TMEM43: variants seen among roughly 807,000 people sequenced by gnomAD.
The protein encoded by TMEM43 is arrhythmogenic right ventricular dysplasia 5.
A neutral mutation model predicts 49.6 loss-of-function variants in TMEM43; 45 were observed. That is an observed-to-expected ratio of 0.91 (90% CI 0.71 to 1.16). The LOEUF (loss-of-function observed/expected upper bound fraction) is 1.16, where lower values mean the gene tolerates loss of function less well. TMEM43 is among the 50% of genes most tolerant of loss of function. TMEM43 has a pLI of 0.00. For synonymous variants in TMEM43, 199 were observed against 207.8 expected, an observed-to-expected ratio of 0.96 and a Z score of 0.36; for missense variants, 532 against 516.6, an observed-to-expected ratio of 1.03 and a Z score of -0.29.
chr3:14,129,684 A>C, intron 2 of TMEM43, 123 bp downstream of exon 2: 3 of 1,057,930 alleles, frequency 2.8e-6, no homozygotes, highest in African/African-American at 1.6e-5. Flanking sequence ...AGAAAGGAGG[A>C]TACTGAGTTA....
In TMEM43 at chr3:14,143,610, C is replaced by G. The variant is rs1432944534; in HGVS notation, c.*1815C>G. On this transcript the variant is annotated 3_prime_UTR_variant, in exon 12 of 12. Transcript: ENST00000306077. ...GATAATGTTAAGAAAAATTTGAAAG[C>G]TTTGGAAAACCAAATTTGTAATATC... 3 of 152,084 alleles carry G rather than the reference C, an allele frequency of 2.0e-5. No homozygotes were observed. The allele number at this position is 152,084 out of a possible 1,614,324, so 9.4% of individuals were successfully genotyped here.
At chr3:14,129,907 G>A (rs1695070246) in intron 2 of TMEM43, among the ~76,000 whole-genome samples, 1 of 152,108 alleles carries the variant, frequency 6.6e-6, no homozygotes, top group African/African-American at 2.4e-5. Context: ...CACTTCATCT[G>A]TGATGGCAAA....
intron 1 of TMEM43, among the ~76,000 whole-genome samples, chr3:14,126,156 C>T (rs1478630038): frequency 6.6e-6 from 1 of 152,174 alleles, no homozygotes; most frequent in Non-Finnish European, 1.5e-5. Context: ...GGGTGTGCAT[C>T]ACCCACAGCC....
chr3:14,134,180 C>T (rs950061444), intron 7 of TMEM43, among the ~76,000 whole-genome samples: 1 of 152,216 alleles, frequency 6.6e-6, no homozygotes, highest in Non-Finnish European at 1.5e-5. Context: ...GCCTAGGGCT[C>T]CCCCTCTCTG....
intron 1 of TMEM43, among the ~76,000 whole-genome samples, chr3:14,126,180 T>C (rs1032536925): frequency 2.6e-5 from 4 of 152,116 alleles, no homozygotes; most frequent in Admixed American, 1.3e-4. Flanking sequence ...GTACACTTTG[T>C]CTCGGGTTAG....
chr3:14,128,847 C>A, intron 1 of TMEM43: 1 of 429,252 alleles, frequency 2.3e-6, no homozygotes. Context: ...CAGCATTATT[C>A]ATAACAGCCA....
chr3:14,140,100 G>T (rs1038565817), intron 11 of TMEM43, among the ~76,000 whole-genome samples: 3 of 152,222 alleles, frequency 2.0e-5, no homozygotes, highest in African/African-American at 7.2e-5. Context: ...TGCACATCTT[G>T]GGCTGTCTGA....
chr3:14,127,927 T>C (rs923429434), intron 1 of TMEM43, among the ~76,000 whole-genome samples: 9 of 152,168 alleles, frequency 5.9e-5, no homozygotes, highest in Non-Finnish European at 1.2e-4. Flanking sequence ...ACTTTACATC[T>C]TTGTGACTTT....
chr3:14,140,238 G>A (rs1255020743), intron 11 of TMEM43, among the ~76,000 whole-genome samples: 1 of 152,198 alleles, frequency 6.6e-6, no homozygotes, highest in African/African-American at 2.4e-5. Flanking sequence ...GGGCACATTA[G>A]CGAGAGATGA....
intron 11 of TMEM43, among the ~76,000 whole-genome samples, chr3:14,140,581 G>A (rs910929666): frequency 2.0e-5 from 3 of 152,108 alleles, no homozygotes; most frequent in Non-Finnish European, 4.4e-5. Context: ...GGGCCCATAC[G>A]GTCTTGAGTT....
chr3:14,140,228 G>A (rs1695229611), intron 11 of TMEM43, among the ~76,000 whole-genome samples: 1 of 152,178 alleles, frequency 6.6e-6, no homozygotes, highest in Non-Finnish European at 1.5e-5. Context: ...GTGACGTGGT[G>A]GGCACATTAG....
chr3:14,134,133 C>T (rs776627320), intron 7 of TMEM43, among the ~76,000 whole-genome samples: 2 of 152,194 alleles, frequency 1.3e-5, no homozygotes. Flanking sequence ...AAGCAGACTC[C>T]GGCTAGTAGT....
In TMEM43 at chr3:14,142,222, A is replaced by G. The variant is rs959566021; in HGVS notation, c.*427A>G. On this transcript the variant is annotated 3_prime_UTR_variant, in exon 12 of 12. Coordinates refer to ENST00000306077, the MANE Select transcript of TMEM43 (RefSeq NM_024334.3). The stretch of plus-strand genomic sequence containing the variant: ...AGTGCCATGCTTTGCCACCACCACC[A>G]AGCACATCTGTGATCCTGAAGGGCG... 4.3e-6 allele frequency: 1 copy of G among 232,346 alleles called. No individual in the cohort carries two copies. Among genetic ancestry groups the G allele is most frequent in the Non-Finnish European group, 8.7e-6 (1 of 114,426 alleles). 14.4% of individuals were successfully genotyped at this position (232,346 alleles called of 1,614,324 possible).
At chr3:14,129,698 A>G in intron 2 of TMEM43, 137 bp downstream of exon 2, 1 of 976,880 alleles carries the variant, frequency 1.0e-6, no homozygotes, top group Non-Finnish European at 1.6e-6. Context: ...TGAGTTAATC[A>G]CAGTTCTTTC....
intron 11 of TMEM43, among the ~76,000 whole-genome samples, chr3:14,140,041 A>G (rs1695227351): frequency 6.6e-6 from 1 of 152,186 alleles, no homozygotes; most frequent in African/African-American, 2.4e-5. Context: ...CTGGGTGCCA[A>G]CAGAAACCTC....
In TMEM43 at chr3:14,136,753, C is replaced by T. The variant is rs376056223; in HGVS notation, c.882+845C>T. 6.1e-4 allele frequency among the ~76,000 whole-genome samples: 83 copies of T among 136,358 alleles called. 6 individuals carry two copies. The South Asian group carries it at 0.015, about 25-fold the overall frequency. 89.5% of individuals were successfully genotyped at this position (136,358 alleles called of 152,430 possible). ...GTGTCCTTCCAGAACATTAGGAGGGCGGGGAAGGGTTTTGGGCCTCAGCTA... is the reference window on the plus strand; with the variant it reads ...GTGTCCTTCCAGAACATTAGGAGGGTGGGGAAGGGTTTTGGGCCTCAGCTA... On this transcript the variant is annotated intron_variant, in intron 10 of 11. Coordinates refer to ENST00000306077, the MANE Select transcript of TMEM43 (RefSeq NM_024334.3).
chr3:14,132,664 G>A, intron 5 of TMEM43, 69 bp downstream of exon 5: 1 of 1,569,218 alleles, frequency 6.4e-7, no homozygotes, highest in South Asian at 1.1e-5. Flanking sequence ...GGACAGCAGG[G>A]CTGTTGGTGG....
chr3:14,127,908 C>T (rs1480316966), intron 1 of TMEM43, among the ~76,000 whole-genome samples: 3 of 152,234 alleles, frequency 2.0e-5, no homozygotes, highest in Non-Finnish European at 4.4e-5. Flanking sequence ...CCTGTCTTAG[C>T]TGGGCCCCAC....
chr3:14,127,777 C>T (rs1164921407), intron 1 of TMEM43, among the ~76,000 whole-genome samples: 3 of 152,172 alleles, frequency 2.0e-5, no homozygotes, highest in Non-Finnish European at 4.4e-5. Context: ...GATTCATGGA[C>T]ATCTGGTCAC....
Sources: allele counts gnomAD v4.1 joint callset (sites outside exome capture counted in the v4.1 genomes callset), GRCh38; gene constraint gnomAD v4.1.1; transcripts MANE v1.5; gene names NCBI Gene and HGNC (gene_info 2026-07-23, HGNC 2026-07-21).